RYR1: variants seen among roughly 807,000 people sequenced by gnomAD.
RYR1 encodes central core disease of muscle.
A neutral mutation model predicts 583.5 loss-of-function variants in RYR1; 342 were observed. That is an observed-to-expected ratio of 0.59 (90% CI 0.54 to 0.64). The LOEUF (loss-of-function observed/expected upper bound fraction) is 0.64. RYR1 is among the 30% of genes least tolerant of loss of function. RYR1 has a pLI of 0.00. For missense variants in RYR1, 6,032 were observed against 6,917.2 expected, an observed-to-expected ratio of 0.87 and a Z score of 4.54; for synonymous variants, 2,791 against 2,822.5, an observed-to-expected ratio of 0.99 and a Z score of 0.35.
chr19:38,572,955 C>G (rs1042540368), intron 95 of RYR1, among the ~76,000 whole-genome samples: 4 of 151,154 alleles, frequency 2.6e-5, no homozygotes, highest in Admixed American at 6.6e-5. Context: ...CCCTGACCCC[C>G]CTGCCTGTGC....
At chr19:38,509,741 G>A (rs1429022957) in intron 58 of RYR1, among the ~76,000 whole-genome samples, 1 of 152,174 alleles carries the variant, frequency 6.6e-6, no homozygotes, top group Non-Finnish European at 1.5e-5. Flanking sequence ...ACAGGCGTGA[G>A]CCACTGCGCC....
At chr19:38,463,358 A>T in intron 20 of RYR1, 65 bp from the exon 21 acceptor site, 1 of 1,384,360 alleles carries the variant, frequency 7.2e-7, no homozygotes, top group African/African-American at 1.4e-5. Context: ...GTTCTTGGAA[A>T]GAGGGGTCAT....
rs1396511933 is a variant in RYR1 at position 38,496,472 on chromosome 19, A to C, written c.6727A>C (p.Ser2243Arg). 1 of 1,613,696 alleles carries C rather than the reference A, an allele frequency of 6.2e-7. No individual in the cohort carries two copies. ...CTTCCTCTGCTATTTCTGCCGAATC[A>C]GCCGGCAGAACCAGCGCTCCATGTT... The part of the protein sequence containing the change: ...CRFLCYFCRI[S>R]RQNQRSMFDH... Residue 2243 changes from serine (S) to arginine (R), a missense_variant, in exon 41 of 106, where the codon AGC becomes CGC. By Grantham distance (110) the Ser-to-Arg change is moderately radical (BLOSUM62 -1). Around this residue, in one of 11 missense-constraint regions of RYR1, gnomAD observed 2,627 missense variants for 2,961.3 expected, o/e 0.89. Transcript: ENST00000359596. The surrounding 1 kb of genome is among the most constrained non-coding windows in gnomAD (Gnocchi z 4.8).
intron 35 of RYR1, among the ~76,000 whole-genome samples, chr19:38,489,755 A>G (rs1969469006): frequency 6.6e-6 from 1 of 152,120 alleles, no homozygotes; most frequent in Non-Finnish European, 1.5e-5. Context: ...CAGCCTCCTG[A>G]GTAGCTGGGA....
chr19:38,465,536 G>A (rs7259574), intron 23 of RYR1, among the ~76,000 whole-genome samples: 58,738 of 151,850 alleles, frequency 0.39, 11,585 homozygotes, highest in South Asian at 0.54. Context: ...AGGCCGAGGC[G>A]GGCGGATCAC....
At chr19:38,516,966 GT>G in intron 65 of RYR1, among the ~76,000 whole-genome samples, 1 of 152,188 alleles carries the variant, frequency 6.6e-6, no homozygotes, top group Non-Finnish European at 1.5e-5. Context: ...CAGGTTGTCG[GT>G]TTCAAGGGAC....
rs1417223289 is a variant in RYR1 at position 38,485,993 on chromosome 19, C to G, written c.5338C>G (p.Pro1780Ala). The change falls in exon 34 of 106, where the codon CCC becomes GCC. Residue 1780 changes from proline (P) to alanine (A), a missense_variant. Pro to Ala is a conservative substitution (Grantham distance 27, BLOSUM62 -1). Transcript: ENST00000359596. ...SLRPPHHFSP[P>A]CFVAALPAAG... ...GAGGCCCCCGCATCATTTCTCGCCC[C>G]CCTGTTTCGTGGCCGCTCTGCCAGC... is the stretch of plus-strand genomic sequence containing the variant. 5 of 1,613,504 alleles carry G rather than the reference C, an allele frequency of 3.1e-6. No homozygotes were observed. The highest frequency in any genetic ancestry group is 4.2e-6 in the Non-Finnish European group (5 of 1,179,950).
At position 38,440,765 on chromosome 19, in the gene RYR1, G is replaced by C. The variant is rs753752475; in HGVS notation, c.66G>C (p.Gln22His). 1.2e-6 allele frequency: 2 copies of C among 1,608,444 alleles called. No individual in the cohort carries two copies. The highest frequency in any genetic ancestry group is 1.7e-6 in the Non-Finnish European group (2 of 1,178,176). ...CGCAGGACGATGAGGTGGTCCTGCA[G>C]TGCAGCGCTACCGTGCTCAAGGAGC... ...FLRTDDEVVLQCSATVLKEQL... is the reference protein window; with the variant it reads ...FLRTDDEVVLHCSATVLKEQL... Residue 22 changes from glutamine to histidine, a missense_variant, in exon 2 of 106, where the codon CAG becomes CAC. Physicochemically the swap from Gln to His is conservative, Grantham distance 24. Around this residue, in one of 11 missense-constraint regions of RYR1, gnomAD observed 71 missense variants for 75.3 expected, o/e 0.94. Coordinates refer to ENST00000359596, the MANE Select transcript of RYR1 (RefSeq NM_000540.3).
Position 38,586,147 on chromosome 19 carries a change from C to G in RYR1, c.14925C>G (p.Gly4975=), listed in dbSNP as rs1231628473. 2 of 1,614,124 alleles carry G rather than the reference C, an allele frequency of 1.2e-6. No individual in the cohort carries two copies. The highest frequency in any genetic ancestry group is 2.2e-5 in the East Asian group (1 of 44,874). Residue 4975 remains glycine, a synonymous_variant, in exon 104 of 106, where the codon GGC becomes GGG. Transcript: ENST00000359596. ...GSDYFDTTPH[G]FETHTLEEHN... ...ACTACTTTGATACGACACCGCATGGCTTCGAGACTCACACGCTGGAGGAGC... is the reference window on the plus strand; with the variant it reads ...ACTACTTTGATACGACACCGCATGGGTTCGAGACTCACACGCTGGAGGAGC...
At chr19:38,481,542 A>G (rs1350456923) in intron 31 of RYR1, among the ~76,000 whole-genome samples, 1 of 151,862 alleles carries the variant, frequency 6.6e-6, no homozygotes, top group African/African-American at 2.4e-5. Flanking sequence ...CCCCCCAGAA[A>G]TGTATTTGTT....
chr19:38,476,028 TC>T (rs1968705670), intron 29 of RYR1, among the ~76,000 whole-genome samples: 1 of 151,876 alleles, frequency 6.6e-6, no homozygotes, highest in African/African-American at 2.4e-5. Flanking sequence ...CTTTTTTTTT[TC>T]TTTTTATTTT....
chr19:38,496,752 C>A lies in RYR1; in HGVS notation c.6797-108C>A. On this transcript the variant is annotated intron_variant, in intron 41 of 105. Transcript: ENST00000359596. The surrounding 1 kb of genome is among the most constrained non-coding windows in gnomAD (Gnocchi z 4.8). The stretch of plus-strand genomic sequence containing the variant: ...GAGCTTGGATGAGGGAAGTACAGAC[C>A]AGAGGAGGCACCTGATCCAGGCTGG... The A allele has an allele frequency of 8.3e-7, 1 of 1,201,802 alleles. No homozygotes were observed. Among genetic ancestry groups the A allele is most frequent in the Non-Finnish European group, 1.2e-6 (1 of 812,388 alleles). 74.4% of individuals were successfully genotyped at this position (1,201,802 alleles called of 1,614,324 possible). A position where few individuals can be genotyped will look rare whatever the true frequency, so the allele number is the denominator to read the frequency against.
intron 9 of RYR1, 131 bp downstream of exon 9, chr19:38,446,899 TGAGA>T: frequency 1.4e-6 from 1 of 706,374 alleles, no homozygotes; most frequent in Non-Finnish European, 2.3e-6. Context: ...CAGAGCAGCC[TGAGA>T]GAGAGATGAA....
At chr19:38,454,698 A>G in intron 13 of RYR1, among the ~76,000 whole-genome samples, 1 of 152,162 alleles carries the variant, frequency 6.6e-6, no homozygotes, top group East Asian at 1.9e-4. Context: ...GAACATAACT[A>G]TGAATAATGA....
chr19:38,517,716 T>C, intron 66 of RYR1, 25 bp downstream of exon 66: 1 of 1,605,200 alleles, frequency 6.2e-7, no homozygotes, highest in Non-Finnish European at 8.5e-7. Context: ...ACTGGGCCTC[T>C]GAGGGGTGGG....
intron 1 of RYR1, among the ~76,000 whole-genome samples, chr19:38,436,655 G>A (rs920719841): frequency 5.9e-5 from 9 of 152,070 alleles, no homozygotes; most frequent in Non-Finnish European, 1.2e-4. Context: ...CATTTGAGTC[G>A]TCTCCAATTT....
rs193922784 is a variant in RYR1, at chr19:38,486,150, G to A, written c.5495G>A (p.Gly1832Asp). The A allele has an allele frequency of 6.2e-7, 1 of 1,613,146 alleles. No homozygotes were observed. The highest frequency in any genetic ancestry group is 8.5e-7 in the Non-Finnish European group (1 of 1,179,932). The change falls in exon 34 of 106, where the codon GGC becomes GAC. Residue 1832 changes from glycine to aspartate, a missense_variant. Gly to Asp is a moderately conservative substitution (Grantham distance 94). Transcript: ENST00000359596. ...GGQHARDPVG[G>D]SVEFQFVPVL... is the part of the protein sequence containing the mutation. ...CAGCACGCTCGCGACCCCGTCGGGG[G>A]CTCCGTGGAGTTCCAGTTTGTGCCT...
At chr19:38,463,306 T>C in intron 20 of RYR1, 117 bp from the exon 21 acceptor site, 1 of 794,988 alleles carries the variant, frequency 1.3e-6, no homozygotes, top group Non-Finnish European at 2.1e-6. Flanking sequence ...TGCTGGATGG[T>C]GGGAAAGGGG....
rs549238688 is a variant in RYR1 at position 38,492,616 on chromosome 19, C to T, written c.6254C>T (p.Ser2085Leu). ...KKEEKPEEERSAEESKPRSLQ... is the reference protein window; with the variant it reads ...KKEEKPEEERLAEESKPRSLQ... The stretch of plus-strand genomic sequence containing the variant: ...GAAGAGAAACCTGAGGAGGAGCGGT[C>T]AGCAGAGGAGAGCAAACCCCGTGAG... The change falls in exon 38 of 106, where the codon TCA becomes TTA. Residue 2085 changes from serine (S) to leucine (L), a missense_variant. This residue lies in a region of RYR1 where 2,627 missense variants were observed against 2,961.3 expected (regional missense o/e 0.89). Transcript: ENST00000359596. 6.2e-7 allele frequency: 1 copy of T among 1,607,290 alleles called. No individual in the cohort carries two copies. The highest frequency in any genetic ancestry group is 1.7e-5 in the Admixed American group (1 of 59,676).
Sources: allele counts gnomAD v4.1 joint callset (sites outside exome capture counted in the v4.1 genomes callset), GRCh38; gene constraint gnomAD v4.1.1; regional missense constraint gnomAD v4.1.1; non-coding constraint Gnocchi (gnomAD v3.1); transcripts MANE v1.5; gene names NCBI Gene and HGNC (gene_info 2026-07-23, HGNC 2026-07-21).